MTUS2: variants seen among roughly 807,000 people sequenced by gnomAD.
MTUS2 encodes microtubule-associated tumor suppressor candidate 2.
In MTUS2, 40 loss-of-function variants were observed where a neutral mutation model predicts 114.1. That is an observed-to-expected ratio of 0.35 (90% confidence interval 0.27 to 0.46). MTUS2 has a LOEUF of 0.46. Among genes scored for constraint, MTUS2 ranks in the 20% least tolerant of loss-of-function variants. The pLI, the probability that MTUS2 is intolerant of heterozygous loss-of-function variation, is 1.00. For synonymous variants in MTUS2, 688 were observed against 672.0 expected (o/e 1.02, Z -0.37); for missense variants, 1,679 against 1,705.4 (o/e 0.98, Z 0.27).
intron 2 of MTUS2, among the ~76,000 whole-genome samples, chr13:28,997,449 A>G (rs914844663): frequency 3.9e-5 from 6 of 152,074 alleles, no homozygotes; most frequent in African/African-American, 9.7e-5. Flanking sequence ...TATCCTTGTT[A>G]ACTCTCTGTC....
At chr13:29,395,702 A>G (rs1250311832) in intron 8 of MTUS2, among the ~76,000 whole-genome samples, 1 of 152,212 alleles carries the variant, frequency 6.6e-6, no homozygotes, top group Non-Finnish European at 1.5e-5. Context: ...GCAACTTAAC[A>G]AACCCTTCTG....
intron 6 of MTUS2, among the ~76,000 whole-genome samples, chr13:29,309,560 T>A (rs1283514979): frequency 1.3e-5 from 2 of 152,032 alleles, no homozygotes; most frequent in African/African-American, 4.8e-5. Context: ...AACCTGCACA[T>A]CCTGCACATG....
At position 28,911,752 on chromosome 13, in the gene MTUS2, C is replaced by T. The variant is rs148404396; in HGVS notation, c.-243+71902C>T. Reference sequence around the variant, plus strand: ...GTTTTGATTTGTATTTCGTGATGATCGGTGATGTTGAGCTTTTTTTCATAT... The same window carrying T: ...GTTTTGATTTGTATTTCGTGATGATTGGTGATGTTGAGCTTTTTTTCATAT... On this transcript the variant is annotated intron_variant, in intron 2 of 15. Transcript: ENST00000612955. 2.0e-5 allele frequency among the ~76,000 whole-genome samples: 3 copies of T among 150,522 alleles called. No homozygotes were observed. The South Asian group carries it at 6.2e-4, about 31-fold the overall frequency.
rs546642602 is a variant in MTUS2 at position 29,276,472 on chromosome 13, G to T, written c.2645-5232G>T. Among the ~76,000 whole-genome samples, 8 of 152,334 alleles carry T rather than the reference G, an allele frequency of 5.3e-5. No individual in the cohort carries two copies. In the South Asian group the frequency reaches 1.5e-3, roughly 28 times the overall value. ...TGAAGCAAGAGGCTATAGTCCTTTA[G>T]TTCCTGTGAGCAGTGGAATACCTTC... On this transcript the variant is annotated intron_variant, in intron 5 of 15. Transcript: ENST00000612955.
intron 5 of MTUS2, among the ~76,000 whole-genome samples, chr13:29,152,547 C>T (rs893246761): frequency 6.6e-6 from 1 of 152,130 alleles, no homozygotes; most frequent in African/African-American, 2.4e-5. Flanking sequence ...GCAGTGGTCT[C>T]ATCTGAAGGT....
intron 2 of MTUS2, among the ~76,000 whole-genome samples, chr13:28,917,323 T>A (rs745877400): frequency 1.7e-4 from 26 of 152,078 alleles, no homozygotes; most frequent in South Asian, 4.1e-4. Flanking sequence ...TTTGGAATAG[T>A]TTGAGTAGGA....
At chr13:28,964,740 T>C (rs1250587382) in intron 2 of MTUS2, among the ~76,000 whole-genome samples, 1 of 147,724 alleles carries the variant, frequency 6.8e-6, no homozygotes, top group Non-Finnish European at 1.5e-5. Flanking sequence ...TACAAGAAGC[T>C]TTTTTGTGTT....
intron 5 of MTUS2, among the ~76,000 whole-genome samples, chr13:29,125,136 G>T (rs1701264726): frequency 1.3e-5 from 2 of 152,298 alleles, no homozygotes; most frequent in East Asian, 1.9e-4. Flanking sequence ...TCCAATGTCA[G>T]CCAATTATTT....
intron 8 of MTUS2, among the ~76,000 whole-genome samples, chr13:29,374,011 T>C (rs1453147630): frequency 6.6e-6 from 1 of 151,984 alleles, no homozygotes; most frequent in Admixed American, 6.6e-5. Context: ...GAAAGATGTA[T>C]CAAAGGAAGA....
intron 4 of MTUS2, among the ~76,000 whole-genome samples, chr13:29,043,311 T>A (rs1887457620): frequency 6.6e-6 from 1 of 152,180 alleles, no homozygotes; most frequent in African/African-American, 2.4e-5. Flanking sequence ...TTGATATAAT[T>A]TCAATTTTCT....
At chr13:29,031,923 T>A (rs4769660) in intron 3 of MTUS2, among the ~76,000 whole-genome samples, 1 of 152,006 alleles carries the variant, frequency 6.6e-6, no homozygotes, top group East Asian at 1.9e-4. Context: ...CTGGTAAGAA[T>A]GTATTTGTTC....
At chr13:28,830,756 A>G (rs1447643737) in intron 1 of MTUS2, among the ~76,000 whole-genome samples, 1 of 152,172 alleles carries the variant, frequency 6.6e-6, no homozygotes, top group Non-Finnish European at 1.5e-5. Flanking sequence ...AATAATGGAC[A>G]AAAACTCAAG....
At chr13:29,481,376 G>A (rs1467456104) in intron 10 of MTUS2, among the ~76,000 whole-genome samples, 8 of 148,704 alleles carry the variant, frequency 5.4e-5, no homozygotes, top group Admixed American at 4.0e-4. Flanking sequence ...CACCACCCCC[G>A]CTTCCATGAG....
At chr13:29,240,520 G>T (rs2139393581) in intron 5 of MTUS2, among the ~76,000 whole-genome samples, 1 of 152,176 alleles carries the variant, frequency 6.6e-6, no homozygotes, top group East Asian at 1.9e-4. Context: ...TCCCACTTTT[G>T]CTATTTCAAT....
intron 4 of MTUS2, among the ~76,000 whole-genome samples, chr13:29,071,317 G>A (rs1403489595): frequency 2.7e-5 from 4 of 147,576 alleles, no homozygotes; most frequent in Non-Finnish European, 6.0e-5. Flanking sequence ...TGTTTTTATA[G>A]CACATTGTTC....
intron 2 of MTUS2, among the ~76,000 whole-genome samples, chr13:28,970,966 T>C (rs775837667): frequency 7.2e-5 from 11 of 152,204 alleles, no homozygotes; most frequent in Non-Finnish European, 1.3e-4. Context: ...GGATTTGTGA[T>C]TTGCAAGAGC....
intron 5 of MTUS2, among the ~76,000 whole-genome samples, chr13:29,147,151 C>T (rs1435323175): frequency 6.6e-6 from 1 of 152,002 alleles, no homozygotes; most frequent in African/African-American, 2.4e-5. Context: ...TTTTAACCAT[C>T]ATTGAGGAAA....
intron 8 of MTUS2, among the ~76,000 whole-genome samples, chr13:29,387,963 T>C (rs1053722060): frequency 1.1e-4 from 17 of 152,158 alleles, no homozygotes; most frequent in African/African-American, 2.9e-4. Context: ...ATATACACAA[T>C]TGGGCCATCG....
chr13:29,462,821 G>T (rs565261876), intron 9 of MTUS2, among the ~76,000 whole-genome samples: 43 of 152,198 alleles, frequency 2.8e-4, no homozygotes, highest in African/African-American at 9.9e-4. Flanking sequence ...GAAACCCCTA[G>T]TGCCAGAGGG....
Sources: gnomAD v4.1 joint callset for allele counts (sites outside exome capture counted in the v4.1 genomes callset) on GRCh38, gnomAD v4.1.1 for gene constraint, MANE v1.5 for transcripts, NCBI Gene and HGNC (gene_info 2026-07-23, HGNC 2026-07-21) for gene names.